PCDHGB3: variants seen among roughly 807,000 people sequenced by gnomAD.
The protein encoded by PCDHGB3 is protocadherin gamma subfamily B, 3, also known as protocadherin gamma-B3.
Under a neutral mutation model 59.2 loss-of-function variants are expected in PCDHGB3, and 40 were observed. The ratio of observed to expected loss-of-function variants is 0.68; its 90% CI spans 0.52 to 0.88. The LOEUF is 0.88. Ranked by LOEUF, PCDHGB3 falls within the 40% of genes least tolerant of loss-of-function variation. The pLI, the probability that PCDHGB3 is intolerant of heterozygous loss-of-function variation, is 0.00. For missense variants in PCDHGB3, 1,309 were observed against 1,187.9 expected (o/e 1.10, Z -1.50); for synonymous variants, 581 against 503.6 (o/e 1.15, Z -2.06).
In PCDHGB3 at chr5:141,374,604, G is replaced by A. The variant is rs538426396; in HGVS notation, c.2415+1795G>A. ...TCCCTTCAGGGATTTAAGCTCAGTG[G>A]TAATAGTCACTTCTCAGTGGACGTG... On this transcript the variant is annotated intron_variant, in intron 1 of 3. Coordinates refer to ENST00000576222, the MANE Select transcript of PCDHGB3 (RefSeq NM_018924.5). 4.6e-5 allele frequency: 75 copies of A among 1,613,652 alleles called. No individual in the cohort carries two copies. In the South Asian group the frequency reaches 6.8e-4, roughly 15 times the overall value.
chr5:141,420,846 T>C (rs2096528755), intron 1 of PCDHGB3, among the ~76,000 whole-genome samples: 1 of 152,252 alleles, frequency 6.6e-6, no homozygotes, highest in Non-Finnish European at 1.5e-5. Context: ...GTGTTCTTGG[T>C]AAAGTTTTAA....
At chr5:141,417,117 C>A (rs1199474234) in intron 1 of PCDHGB3, 3 of 151,748 alleles carry the variant, frequency 2.0e-5, no homozygotes, top group Non-Finnish European at 4.4e-5. Context: ...TACAGGACAC[C>A]CTGGATGATG....
chr5:141,445,564 G>A (rs564704836), intron 1 of PCDHGB3, among the ~76,000 whole-genome samples: 20 of 152,306 alleles, frequency 1.3e-4, no homozygotes, highest in Admixed American at 1.2e-3. Context: ...CTAAGAGAAA[G>A]CTTATAGTAG....
At chr5:141,393,589 C>T (rs1050679940) in intron 1 of PCDHGB3, 2 of 1,613,920 alleles carry the variant, frequency 1.2e-6, no homozygotes, top group Non-Finnish European at 1.7e-6. Flanking sequence ...CCCCCAGGCA[C>T]GCGGCTGCTT....
intron 1 of PCDHGB3, chr5:141,392,978 C>T: frequency 1.9e-6 from 3 of 1,613,808 alleles, no homozygotes; most frequent in South Asian, 1.1e-5. Context: ...TGGGGCTGGA[C>T]CCCCGGAAGC....
In PCDHGB3 at chr5:141,395,061, C is replaced by G. The variant is rs751602382; in HGVS notation, c.2415+22252C>G. 1.5e-5 allele frequency: 25 copies of G among 1,614,158 alleles called. No individual in the cohort carries two copies. In the African/African-American group the frequency reaches 3.2e-4, roughly 21 times the overall value. On this transcript the variant is annotated intron_variant, in intron 1 of 3. Coordinates refer to ENST00000576222, the MANE Select transcript of PCDHGB3 (RefSeq NM_018924.5). ...GGGTGTTGAGGAGGTACAGGCTTTCCTGCAGACCTATTCCCAGGAAGTCTC... is the reference window on the plus strand; with the variant it reads ...GGGTGTTGAGGAGGTACAGGCTTTCGTGCAGACCTATTCCCAGGAAGTCTC...
At chr5:141,395,253 T>G (rs765397414) in intron 1 of PCDHGB3, 1 of 1,557,696 alleles carries the variant, frequency 6.4e-7, no homozygotes, top group Admixed American at 2.0e-5. Flanking sequence ...TTTAGTTCTT[T>G]GCTTGCTTTT....
At chr5:141,405,966 C>T (rs1226823491) in intron 1 of PCDHGB3, among the ~76,000 whole-genome samples, 3 of 151,986 alleles carry the variant, frequency 2.0e-5, no homozygotes, top group South Asian at 4.1e-4. Flanking sequence ...CTGCTGTCAA[C>T]GTAAACCATA....
intron 2 of PCDHGB3, among the ~76,000 whole-genome samples, chr5:141,501,365 A>G (rs1360125423): frequency 1.3e-5 from 2 of 151,500 alleles, no homozygotes; most frequent in Admixed American, 6.6e-5. Flanking sequence ...AACCATATTC[A>G]TCATCTCTTA....
At chr5:141,481,606 C>T (rs2099540144) in intron 1 of PCDHGB3, among the ~76,000 whole-genome samples, 1 of 152,000 alleles carries the variant, frequency 6.6e-6, no homozygotes, top group South Asian at 2.1e-4. Context: ...TCACCTGAGG[C>T]CAGGAGTTCA....
Position 141,485,256 on chromosome 5 carries a change from G to A in PCDHGB3, c.2416-9551G>A, listed in dbSNP as rs770176450. The A allele has an allele frequency of 6.2e-7, 1 of 1,614,186 alleles. No homozygotes were observed. Among genetic ancestry groups the A allele is most frequent in the Non-Finnish European group, 8.5e-7 (1 of 1,179,996 alleles). On this transcript the variant is annotated intron_variant, in intron 1 of 3. Transcript: ENST00000576222. The surrounding 1 kb of genome is among the most constrained non-coding windows in gnomAD (Gnocchi z 5.7). ...CTCTTTTACCACCTGGGTTACGTTTGTGGGCAGATCCGCTACCCGGTCCCA... is the reference window on the plus strand; with the variant it reads ...CTCTTTTACCACCTGGGTTACGTTTATGGGCAGATCCGCTACCCGGTCCCA...
Position 141,403,985 on chromosome 5 carries a change from C to T in PCDHGB3, c.2415+31176C>T, listed in dbSNP as rs765326042. The T allele has an allele frequency of 5.7e-5, 92 of 1,613,546 alleles. No individual in the cohort carries two copies. The Admixed American group carries it at 7.2e-4, about 13-fold the overall frequency. On this transcript the variant is annotated intron_variant, in intron 1 of 3. Coordinates refer to ENST00000576222, the MANE Select transcript of PCDHGB3 (RefSeq NM_018924.5). ...GGTGGAAGATGTAAATGACAATAGA[C>T]CTGAAGTGACCATTACATCTCTGTT...
intron 1 of PCDHGB3, chr5:141,399,694 A>G (rs1467163302): frequency 1.9e-6 from 3 of 1,613,454 alleles, no homozygotes; most frequent in Admixed American, 1.7e-5. Flanking sequence ...GCAGCTGCGC[A>G]CCTTCGAACT....
intron 1 of PCDHGB3, among the ~76,000 whole-genome samples, chr5:141,466,534 T>C (rs1343781541): frequency 6.6e-6 from 1 of 152,214 alleles, no homozygotes; most frequent in Non-Finnish European, 1.5e-5. Flanking sequence ...CAAATTGATG[T>C]AGATGGTCTT....
At chr5:141,389,778 G>A (rs886099464) in intron 1 of PCDHGB3, 3 of 1,613,134 alleles carry the variant, frequency 1.9e-6, no homozygotes, top group Non-Finnish European at 2.5e-6. Flanking sequence ...TGCCTTAGGC[G>A]ACAGGGACGC....
At position 141,512,348 on chromosome 5, in the gene PCDHGB3, G is replaced by C. The variant is rs1172891268; in HGVS notation, c.*1175G>C. 4 of 152,886 alleles carry C rather than the reference G, an allele frequency of 2.6e-5. No homozygotes were observed. The highest frequency in any genetic ancestry group is 9.6e-5 in the African/African-American group (4 of 41,462). The allele number at this position is 152,886 out of a possible 1,614,324, so 9.5% of individuals were successfully genotyped here. A position where few individuals can be genotyped will look rare whatever the true frequency, so the allele number is the denominator to read the frequency against. ...GGCCATTCTTAGTCCCTGGGTTGGG[G>C]AGGCAGGGAGCTAGGGCAGGGACCA... On this transcript the variant is annotated 3_prime_UTR_variant, in exon 4 of 4. Transcript: ENST00000576222.
intron 1 of PCDHGB3, chr5:141,418,595 G>T (rs1331897624): frequency 5.6e-6 from 9 of 1,613,928 alleles, no homozygotes; most frequent in Non-Finnish European, 7.6e-6. Flanking sequence ...CAGCCAGGAC[G>T]TGTACAGGGT....
At chr5:141,460,546 C>A (rs182506898) in intron 1 of PCDHGB3, among the ~76,000 whole-genome samples, 51 of 152,152 alleles carry the variant, frequency 3.4e-4, no homozygotes, top group African/African-American at 1.1e-3. Context: ...GCACCTTAAT[C>A]AAAAATCATT....
In PCDHGB3 at chr5:141,489,662, G is replaced by C; in HGVS notation, c.2416-5145G>C. 8.1e-6 allele frequency: 13 copies of C among 1,614,144 alleles called. No individual in the cohort carries two copies. The highest frequency in any genetic ancestry group is 1.1e-5 in the Non-Finnish European group (13 of 1,180,010). On this transcript the variant is annotated intron_variant, in intron 1 of 3. Coordinates refer to ENST00000576222, the MANE Select transcript of PCDHGB3 (RefSeq NM_018924.5). This position sits in a 1 kb window ranked among gnomAD's most constrained non-coding sequence, Gnocchi z 4.5. The stretch of plus-strand genomic sequence containing the variant: ...TTTGCCACCCCTGAGCGAGAGATGC[G>C]CATCTCAGAATCAGCAGCATCTGGG...
Sources: allele counts gnomAD v4.1 joint callset (sites outside exome capture counted in the v4.1 genomes callset), GRCh38; gene constraint gnomAD v4.1.1; non-coding constraint Gnocchi (gnomAD v3.1); transcripts MANE v1.5; gene names NCBI Gene and HGNC (gene_info 2026-07-23, HGNC 2026-07-21).